SHPK: variants seen among roughly 807,000 people sequenced by gnomAD.
SHPK encodes the protein sedoheptulokinase.
SHPK carries 51 observed loss-of-function variants against 46.3 expected under a neutral mutation model. That is an observed-to-expected ratio of 1.10 (90% CI 0.88 to 1.39). The LOEUF (loss-of-function observed/expected upper bound fraction) is 1.39. SHPK is among the 40% of genes most tolerant of loss of function. The pLI, the probability that SHPK is intolerant of heterozygous loss-of-function variation, is 0.00. For missense variants in SHPK, 668 were observed against 641.3 expected (o/e 1.04, Z -0.45); for synonymous variants, 290 against 273.9 (o/e 1.06, Z -0.58).
Position 3,621,369 on chromosome 17 carries a change from C to T in SHPK, c.691G>A (p.Ala231Thr), listed in dbSNP as rs138467771. The change falls in exon 5 of 7, where the codon GCC (alanine) becomes ACC (threonine). Residue 231 changes from alanine (A) to threonine (T), a missense_variant. Physicochemically the swap from Ala to Thr is moderately conservative, Grantham distance 58. Transcript: ENST00000225519. ...CTGCCCGCCACACTGCCAGGCTCGG[C>T]GATGTCTGGGAGCAGGTGGACAGGA... Reference protein sequence around the residue: ...GFPVHLLPDIAEPGSVAGRTS... With the variant: ...GFPVHLLPDITEPGSVAGRTS... 1,301 of 1,613,972 alleles carry T rather than the reference C, an allele frequency of 8.1e-4. 1 individual carries two copies. The highest frequency in any genetic ancestry group is 1.0e-3 in the Non-Finnish European group (1,218 of 1,180,002).
At chr17:3,612,566 C>T (rs555730752) in intron 6 of SHPK, among the ~76,000 whole-genome samples, 202 of 152,194 alleles carry the variant, frequency 1.3e-3, no homozygotes, top group African/African-American at 4.8e-3. Context: ...TTCTTGAGAG[C>T]ACTGTGGGCC....
Position 3,635,243 on chromosome 17 carries a change from A to G in SHPK, c.168+809T>C, listed in dbSNP as rs543401328. Reference sequence around the variant, plus strand: ...GAAGGAAGGAAGGAAGGAAGGAAGGAAGGGAAGGAAGGGAAGGAGTCTCGC... The same window carrying G: ...GAAGGAAGGAAGGAAGGAAGGAAGGGAGGGAAGGAAGGGAAGGAGTCTCGC... On this transcript the variant is annotated intron_variant, in intron 1 of 6. Coordinates refer to ENST00000225519, the MANE Select transcript of SHPK (RefSeq NM_013276.4). Among the ~76,000 whole-genome samples, 231 of 147,070 alleles carry G rather than the reference A, an allele frequency of 1.6e-3. 1 individual carries two copies. Among genetic ancestry groups the G allele is most frequent in the African/African-American group, 5.5e-3 (221 of 40,022 alleles).
chr17:3,621,156 G>C, intron 5 of SHPK, 81 bp downstream of exon 5: 1 of 1,186,898 alleles, frequency 8.4e-7, no homozygotes, highest in Non-Finnish European at 1.2e-6. Context: ...AGCTCTGTGT[G>C]CCCTGCAGAC....
intron 6 of SHPK, among the ~76,000 whole-genome samples, chr17:3,614,482 A>G (rs559807542): frequency 1.2e-4 from 18 of 145,820 alleles, no homozygotes; most frequent in East Asian, 8.4e-4. Flanking sequence ...CCGAGATCGC[A>G]CTACTGCACT....
intron 4 of SHPK, among the ~76,000 whole-genome samples, chr17:3,622,974 G>C (rs1299491102): frequency 1.3e-5 from 2 of 152,110 alleles, no homozygotes; most frequent in Non-Finnish European, 2.9e-5. Flanking sequence ...CAAAGTGCTG[G>C]GATTACAGGC....
intron 1 of SHPK, among the ~76,000 whole-genome samples, chr17:3,633,367 G>A (rs1336646086): frequency 2.6e-5 from 4 of 151,220 alleles, no homozygotes; most frequent in African/African-American, 9.7e-5. Flanking sequence ...ATTTTTGGTT[G>A]TCACATCTGG....
At chr17:3,611,003 T>A in intron 6 of SHPK, 31 bp from the exon 7 acceptor site, 1 of 1,568,250 alleles carries the variant, frequency 6.4e-7, no homozygotes, top group Non-Finnish European at 8.7e-7. Flanking sequence ...CTGTGTAAGC[T>A]CATGCGTCCC....
At chr17:3,627,066 T>C (rs1237847649) in intron 2 of SHPK, among the ~76,000 whole-genome samples, 2 of 152,206 alleles carry the variant, frequency 1.3e-5, no homozygotes, top group East Asian at 3.8e-4. Flanking sequence ...CAGATGTTTA[T>C]CAGCCATTGG....
intron 1 of SHPK, among the ~76,000 whole-genome samples, chr17:3,631,512 CTTTTTTTTTTTTT>C (rs371958939): frequency 1.9e-5 from 1 of 53,036 alleles, no homozygotes; most frequent in African/African-American, 8.9e-5. Flanking sequence ...TAATTTAATG[CTTTTTTTTTTTTT>C]TTTTTTTTTT....
intron 2 of SHPK, among the ~76,000 whole-genome samples, chr17:3,628,396 C>T (rs2075450990): frequency 6.6e-6 from 1 of 151,196 alleles, no homozygotes; most frequent in African/African-American, 2.4e-5. Flanking sequence ...GATCTCGGCT[C>T]ACTGCAACCT....
At chr17:3,611,806 T>G (rs913486532) in intron 6 of SHPK, among the ~76,000 whole-genome samples, 11 of 147,214 alleles carry the variant, frequency 7.5e-5, no homozygotes, top group Admixed American at 2.7e-4. Flanking sequence ...GGGTTTTTTT[T>G]TTTTTTTTTT....
rs1237953997 is a variant in SHPK at position 3,609,341 on chromosome 17, G to GAGAGAGAGAGAA, written c.*1218_*1219insTTCTCTCTCTCT. Reference sequence around the variant, plus strand: ...GGATACTGAGAGAGAGAGAGAGAGAGAGAGAGAGAATACGACTGCTTCCCA... The same window carrying GAGAGAGAGAGAA: ...GGATACTGAGAGAGAGAGAGAGAGAGAGAGAGAGAGAAAGAGAGAGAATACGACTGCTTCCCA... On this transcript the variant is annotated 3_prime_UTR_variant, in exon 7 of 7. Transcript: ENST00000225519. 4 of 152,080 alleles carry GAGAGAGAGAGAA rather than the reference G, an allele frequency of 2.6e-5. No individual in the cohort carries two copies. The highest frequency in any genetic ancestry group is 5.9e-5 in the Non-Finnish European group (4 of 68,022). 9.4% of individuals were successfully genotyped at this position (152,080 alleles called of 1,614,324 possible).
rs199513944 is a variant in SHPK at position 3,626,043 on chromosome 17, G to A, written c.311-1812C>T. Among the ~76,000 whole-genome samples, 25 of 150,262 alleles carry A rather than the reference G, an allele frequency of 1.7e-4. No individual in the cohort carries two copies. The East Asian group carries it at 1.9e-3, about 12-fold the overall frequency. Reference sequence around the variant, plus strand: ...ACTCCAGCCTGGGCAACAGAGTGAGGCTCCATCTCAGAAAAACAAAACAAA... The same window carrying A: ...ACTCCAGCCTGGGCAACAGAGTGAGACTCCATCTCAGAAAAACAAAACAAA... On this transcript the variant is annotated intron_variant, in intron 2 of 6. Coordinates refer to ENST00000225519, the MANE Select transcript of SHPK (RefSeq NM_013276.4).
chr17:3,622,589 G>T (rs1212457131), intron 4 of SHPK: 1 of 985,020 alleles, frequency 1.0e-6, no homozygotes, highest in Non-Finnish European at 1.2e-6. Flanking sequence ...CTCAGAATTT[G>T]GGCCCTGAAG....
rs1490037812 is a variant in SHPK at position 3,610,569 on chromosome 17, C to T, written c.1428G>A (p.Lys476=). The T allele has an allele frequency of 1.9e-6, 3 of 1,596,714 alleles. No individual in the cohort carries two copies. The African/African-American group carries it at 4.0e-5, about 21-fold the overall frequency. The change falls in exon 7 of 7, where the codon AAG becomes AAA. Residue 476 remains lysine, a synonymous_variant. Transcript: ENST00000225519. ...LVMLRRHLNQ[K]ES ...CGAAAGAGTTTGCTGTCTAAGATTC[C>T]TTCTGGTTGAGGTGTCTCCGGAGCA... is the stretch of plus-strand genomic sequence containing the variant.
rs201164332 is a variant in SHPK, at chr17:3,610,838, T to C, written c.1159A>G (p.Arg387Gly). Residue 387 changes from arginine to glycine, a missense_variant, in exon 7 of 7, where the codon AGA (arginine) becomes GGA (glycine). Arg to Gly is a moderately radical substitution (Grantham distance 125). Transcript: ENST00000225519. ...AGGGAGAGGTCGGAGGAGGAGATTC[T>C]GGTCACTGAGGCCAGCTGGTCCGGC... is the stretch of plus-strand genomic sequence containing the variant. ...HLPDQLASVTRISSSDLSLGH... is the reference protein window; with the variant it reads ...HLPDQLASVTGISSSDLSLGH... 6.2e-7 allele frequency: 1 copy of C among 1,614,132 alleles called. No homozygotes were observed. Among genetic ancestry groups the C allele is most frequent in the East Asian group, 2.2e-5 (1 of 44,876 alleles).
At position 3,625,870 on chromosome 17, in the gene SHPK, T is replaced by C. The variant is rs543429480; in HGVS notation, c.311-1639A>G. Among the ~76,000 whole-genome samples, 269 of 152,270 alleles carry C rather than the reference T, an allele frequency of 1.8e-3. 2 individuals are homozygous for C. The highest frequency in any genetic ancestry group is 0.017 in the Middle Eastern group (5 of 294). ...GAGTTCGAGACCAGCCTGGACAACA[T>C]GGCGAAACCCCATCTCTACAAAAAA... On this transcript the variant is annotated intron_variant, in intron 2 of 6. Coordinates refer to ENST00000225519, the MANE Select transcript of SHPK (RefSeq NM_013276.4).
intron 2 of SHPK, among the ~76,000 whole-genome samples, chr17:3,624,665 A>T (rs1271321787): frequency 1.3e-5 from 2 of 150,830 alleles, no homozygotes; most frequent in African/African-American, 4.9e-5. Flanking sequence ...TTTTATTTTA[A>T]TTTTTTCAGA....
chr17:3,610,889 G>A lies in SHPK; in HGVS notation c.1108C>T (p.Pro370Ser), dbSNP rs1406468073. The change falls in exon 7 of 7, where the codon CCG (proline) becomes TCG (serine). Residue 370 changes from proline (P) to serine (S), a missense_variant. Coordinates refer to ENST00000225519, the MANE Select transcript of SHPK (RefSeq NM_013276.4). The stretch of plus-strand genomic sequence containing the variant: ...AGGTGCCTCTCCCCCAGCACTGTCG[G>A]GGTGATGGTCAGGTGGGTATCTCTC... ...QQRDTHLTITPTVLGERHLPD... is the reference protein window; with the variant it reads ...QQRDTHLTITSTVLGERHLPD... The A allele has an allele frequency of 2.5e-6, 4 of 1,613,878 alleles. No individual in the cohort carries two copies. In the Admixed American group the frequency reaches 6.7e-5, roughly 27 times the overall value.
Sources: allele counts gnomAD v4.1 joint callset (sites outside exome capture counted in the v4.1 genomes callset), GRCh38; gene constraint gnomAD v4.1.1; transcripts MANE v1.5; gene names NCBI Gene and HGNC (gene_info 2026-07-23, HGNC 2026-07-21).